Variants in NRDE2 observed in about 807,000 individuals in gnomAD.
The protein encoded by NRDE2 is nuclear exosome regulator NRDE2.
In NRDE2, 76 loss-of-function variants were observed where a neutral mutation model predicts 124.2. The observed-to-expected ratio is 0.61, with a 90% confidence interval of 0.51 to 0.74. The LOEUF is 0.74. Ranked by LOEUF, NRDE2 falls within the 30% of genes least tolerant of loss-of-function variation. NRDE2 has a pLI of 0.00. For missense variants in NRDE2, 1,314 were observed against 1,417.3 expected (o/e 0.93, Z 1.17); for synonymous variants, 489 against 528.1 (o/e 0.93, Z 1.01).
chr14:90,286,521 A>C (rs1464407895), intron 11 of NRDE2, 29 bp from the exon 12 acceptor site: 1 of 1,605,186 alleles, frequency 6.2e-7, no homozygotes, highest in South Asian at 1.1e-5. Flanking sequence ...CGTGACTCTG[A>C]CACAAGCTCT....
At position 90,330,895 on chromosome 14, in the gene NRDE2, G is replaced by T. The variant is rs183791348; in HGVS notation, c.64+946C>A. Among the ~76,000 whole-genome samples, 214 of 151,344 alleles carry T rather than the reference G, an allele frequency of 1.4e-3. 1 individual carries two copies. The highest frequency in any genetic ancestry group is 5.1e-3 in the African/African-American group (210 of 41,292). ...TAACAGACAGGTAAGACTCAATTGC[G>T]CCCTGTCACATATGGCACATAATTT... On this transcript the variant is annotated intron_variant, in intron 1 of 13. Transcript: ENST00000354366.
intron 12 of NRDE2, among the ~76,000 whole-genome samples, chr14:90,284,952 G>A (rs1892059067): frequency 6.6e-6 from 1 of 151,962 alleles, no homozygotes; most frequent in Non-Finnish European, 1.5e-5. Flanking sequence ...AATCTCTATG[G>A]TACTTTTAAA....
chr14:90,326,149 T>G (rs1885423972), intron 1 of NRDE2, among the ~76,000 whole-genome samples: 1 of 151,974 alleles, frequency 6.6e-6, no homozygotes, highest in East Asian at 1.9e-4. Flanking sequence ...CTCTATAGAG[T>G]GTAGAGCGAT....
At chr14:90,320,208 G>A (rs1195059621) in intron 1 of NRDE2, among the ~76,000 whole-genome samples, 2 of 152,204 alleles carry the variant, frequency 1.3e-5, no homozygotes, top group African/African-American at 2.4e-5. Flanking sequence ...CCAAGACTGG[G>A]TAATTTATAA....
At position 90,312,473 on chromosome 14, in the gene NRDE2, C is replaced by T. The variant is rs545072997; in HGVS notation, c.478G>A (p.Gly160Arg). 4 of 1,614,068 alleles carry T rather than the reference C, an allele frequency of 2.5e-6. No individual in the cohort carries two copies. The African/African-American group carries it at 5.3e-5, about 22-fold the overall frequency. The change falls in exon 4 of 14, where the codon GGA (glycine) becomes AGA (arginine). Residue 160 changes from glycine to arginine, a missense_variant. Gly to Arg is a moderately radical substitution (Grantham distance 125, BLOSUM62 -2). Transcript: ENST00000354366. Reference protein sequence around the residue: ...VWLEDIQAVTGETFRTDKKPD... With the variant: ...VWLEDIQAVTRETFRTDKKPD... The stretch of plus-strand genomic sequence containing the variant: ...TTCTTATCTGTTCTGAAGGTTTCTC[C>T]CGTCACAGCCTGAATGTCCTCAAGC...
At chr14:90,327,938 T>C (rs1885503749) in intron 1 of NRDE2, among the ~76,000 whole-genome samples, 1 of 151,904 alleles carries the variant, frequency 6.6e-6, no homozygotes, top group Admixed American at 6.6e-5. Context: ...GGTCAGGAGA[T>C]TGAGACCACT....
intron 7 of NRDE2, 137 bp from the exon 8 acceptor site, chr14:90,298,517 A>G (rs549657805): frequency 2.3e-6 from 2 of 854,608 alleles, no homozygotes; most frequent in Admixed American, 4.6e-5. Flanking sequence ...TGAAGTAGAT[A>G]CATGCTACAC....
chr14:90,268,660 A>C lies in NRDE2; in HGVS notation c.*9676T>G, dbSNP rs1772489973. 3 of 410,218 alleles carry C rather than the reference A, an allele frequency of 7.3e-6. No individual in the cohort carries two copies. The Admixed American group carries it at 1.2e-4, about 17-fold the overall frequency. 25.4% of individuals were successfully genotyped at this position (410,218 alleles called of 1,614,324 possible). ...TGAGCACCCGCCCTGATCCAGGACC[A>C]TCTGGACTCTAGGGACACAGTTGTG... On this transcript the variant is annotated 3_prime_UTR_variant, in exon 14 of 14. Transcript: ENST00000354366.
intron 9 of NRDE2, among the ~76,000 whole-genome samples, chr14:90,291,849 A>G (rs943425633): frequency 6.6e-6 from 1 of 152,188 alleles, no homozygotes. Context: ...TATTCCTTCA[A>G]CATCCAAGAG....
chr14:90,320,300 G>T (rs1885196506), intron 1 of NRDE2, among the ~76,000 whole-genome samples: 1 of 152,192 alleles, frequency 6.6e-6, no homozygotes, highest in Non-Finnish European at 1.5e-5. Flanking sequence ...AAGGTGAAGA[G>T]GAAGCAAGGA....
chr14:90,325,520 G>T (rs1177854194), intron 1 of NRDE2, among the ~76,000 whole-genome samples: 2 of 151,972 alleles, frequency 1.3e-5, no homozygotes, highest in Non-Finnish European at 2.9e-5. Context: ...CTTAAATCCT[G>T]GCCTCTTTGC....
At chr14:90,303,330 T>A (rs762111155) in intron 5 of NRDE2, among the ~76,000 whole-genome samples, 3 of 152,204 alleles carry the variant, frequency 2.0e-5, no homozygotes, top group Non-Finnish European at 4.4e-5. Flanking sequence ...AATTATCCAC[T>A]CTCTGCCATT....
At position 90,274,112 on chromosome 14, in the gene NRDE2, G is replaced by C. The variant is rs1422470486; in HGVS notation, c.*4224C>G. On this transcript the variant is annotated 3_prime_UTR_variant, in exon 14 of 14. Coordinates refer to ENST00000354366, the MANE Select transcript of NRDE2 (RefSeq NM_017970.4). ...GACATCCACACGTGGGGGTGGCCCA[G>C]TGCAGGGTAAGGACGGGGTGCTTGT... 1.9e-5 allele frequency: 3 copies of C among 155,132 alleles called. No homozygotes were observed. The highest frequency in any genetic ancestry group is 7.2e-5 in the African/African-American group (3 of 41,516). 9.6% of individuals were successfully genotyped at this position (155,132 alleles called of 1,614,324 possible).
intron 12 of NRDE2, 23 bp downstream of exon 12, chr14:90,286,331 A>T (rs952024314): frequency 6.2e-7 from 1 of 1,608,334 alleles, no homozygotes; most frequent in Non-Finnish European, 8.5e-7. Context: ...GCATGAACAC[A>T]AAACATCTCA....
chr14:90,285,924 G>A (rs1481787989), intron 12 of NRDE2, among the ~76,000 whole-genome samples: 3 of 152,084 alleles, frequency 2.0e-5, no homozygotes, highest in East Asian at 1.9e-4. Context: ...CCTGAACCAC[G>A]GCACCCAACC....
intron 8 of NRDE2, among the ~76,000 whole-genome samples, chr14:90,293,970 C>T (rs772502790): frequency 6.6e-6 from 1 of 152,142 alleles, no homozygotes; most frequent in Non-Finnish European, 1.5e-5. Flanking sequence ...TGAAAACCTA[C>T]GTTTACACAA....
intron 8 of NRDE2, among the ~76,000 whole-genome samples, chr14:90,298,043 C>T (rs972315058): frequency 3.2e-4 from 48 of 151,872 alleles, no homozygotes; most frequent in African/African-American, 1.1e-3. Context: ...CAGAAACTTT[C>T]AAATCCTCAA....
rs1220918459 is a variant in NRDE2, at chr14:90,277,415, A to T, written c.*921T>A. On this transcript the variant is annotated 3_prime_UTR_variant, in exon 14 of 14. Transcript: ENST00000354366. ...GATAAGAAAACCATTCCTTCCAGCC[A>T]TATGTTAATAGTGAAAATCACTCAG... 1.3e-5 allele frequency: 2 copies of T among 152,302 alleles called. No homozygotes were observed. Among genetic ancestry groups the T allele is most frequent in the Admixed American group, 6.5e-5 (1 of 15,286 alleles). The allele number at this position is 152,302 out of a possible 1,614,324, so 9.4% of individuals were successfully genotyped here. A position where few individuals can be genotyped will look rare whatever the true frequency, so the allele number is the denominator to read the frequency against.
At chr14:90,304,485 C>A (rs1384392425) in intron 4 of NRDE2, 103 bp from the exon 5 acceptor site, 1 of 763,326 alleles carries the variant, frequency 1.3e-6, no homozygotes. Context: ...AGGTTCACTG[C>A]ATATAACCAA....
Sources: gnomAD v4.1 joint callset for allele counts (sites outside exome capture counted in the v4.1 genomes callset) on GRCh38, gnomAD v4.1.1 for gene constraint, MANE v1.5 for transcripts, NCBI Gene and HGNC (gene_info 2026-07-23, HGNC 2026-07-21) for gene names.